The following SULF2 variants were observed in gnomAD, a reference collection of about 807,000 sequenced individuals.
SULF2 encodes the protein extracellular sulfatase Sulf-2.
In SULF2, 52 loss-of-function variants were observed where a neutral mutation model predicts 107.7. The observed-to-expected ratio is 0.48, with a 90% CI of 0.39 to 0.61. SULF2 has a LOEUF of 0.61. Ranked by LOEUF, SULF2 falls within the 20% of genes least tolerant of loss-of-function variation. The pLI, the probability that SULF2 is intolerant of heterozygous loss-of-function variation, is 0.00. For synonymous variants in SULF2, 460 were observed against 464.3 expected (o/e 0.99, Z 0.12); for missense variants, 993 against 1,177.3 (o/e 0.84, Z 2.29).
rs1347814525 is a variant in SULF2, at chr20:47,687,705, ATGTG to A, written c.737+2417_737+2420del. On this transcript the variant is annotated intron_variant, in intron 5 of 20. Coordinates refer to ENST00000688720, the MANE Select transcript of SULF2 (RefSeq NM_001387048.1). ...TAACTGTGTATTTTTGTGTGTCTGC[ATGTG>A]TGTGTTTTTTTTTTTCGAGACAGGG... Among the ~76,000 whole-genome samples, 115 of 147,518 alleles carry A rather than the reference ATGTG, an allele frequency of 7.8e-4. 2 individuals are homozygous for A. In the Middle Eastern group the frequency reaches 0.015, roughly 19 times the overall value.
At chr20:47,677,429 T>C (rs199939113) in intron 8 of SULF2, among the ~76,000 whole-genome samples, 7,280 of 148,678 alleles carry the variant, frequency 0.049, 355 homozygotes, top group African/African-American at 0.13. Flanking sequence ...TGTGTGTGTG[T>C]GCGCGCACAC....
At position 47,715,681 on chromosome 20, in the gene SULF2, C is replaced by T. The variant is rs148386767; in HGVS notation, c.416-13011G>A. Among the ~76,000 whole-genome samples, 27 of 151,830 alleles carry T rather than the reference C, an allele frequency of 1.8e-4. No homozygotes were observed. The East Asian group carries it at 5.2e-3, about 30-fold the overall frequency. On this transcript the variant is annotated intron_variant, in intron 3 of 20. Coordinates refer to ENST00000688720, the MANE Select transcript of SULF2 (RefSeq NM_001387048.1). ...ACTGCAACCTCTGCCTCCCGGGTTCCAGTGATTCTCTTGCCTCAGCCTCCC... is the reference window on the plus strand; with the variant it reads ...ACTGCAACCTCTGCCTCCCGGGTTCTAGTGATTCTCTTGCCTCAGCCTCCC...
intron 1 of SULF2, among the ~76,000 whole-genome samples, chr20:47,769,359 ATT>A (rs71183279): frequency 1.7e-4 from 22 of 128,492 alleles, no homozygotes; most frequent in Admixed American, 2.3e-4. Context: ...TAATTTTTGT[ATT>A]TTTTTTTTTT....
rs529381030 is a variant in SULF2, at chr20:47,736,286, G to A, written c.415+417C>T. Among the ~76,000 whole-genome samples the A allele has an allele frequency of 2.2e-3, 334 of 152,250 alleles. 2 individuals are homozygous for A. The highest frequency in any genetic ancestry group is 7.2e-3 in the African/African-American group (298 of 41,548). Reference sequence around the variant, plus strand: ...AAGCGACCACACAGCCCCATTATCTGTTCCCCTCCATGAATTCCCATCCCC... The same window carrying A: ...AAGCGACCACACAGCCCCATTATCTATTCCCCTCCATGAATTCCCATCCCC... On this transcript the variant is annotated intron_variant, in intron 3 of 20. Transcript: ENST00000688720.
At chr20:47,745,405 A>T (rs1568892444) in intron 2 of SULF2, among the ~76,000 whole-genome samples, 1 of 20,784 alleles carries the variant, frequency 4.8e-5, no homozygotes, top group East Asian at 1.6e-3. Flanking sequence ...AAAAAAAAAA[A>T]AAAAAATATA....
chr20:47,786,475 T>A (rs930957775), upstream of SULF2: 8 of 152,032 alleles, frequency 5.3e-5, no homozygotes, highest in Non-Finnish European at 1.2e-4. Flanking sequence ...GCCACACACA[T>A]TTGCCATTGG....
In SULF2 at chr20:47,758,034, C is replaced by A. The variant is rs575034265; in HGVS notation, c.-100-571G>T. 5.3e-5 allele frequency among the ~76,000 whole-genome samples: 8 copies of A among 152,234 alleles called. No individual in the cohort carries two copies. In the East Asian group the frequency reaches 1.5e-3, roughly 29 times the overall value. On this transcript the variant is annotated intron_variant, in intron 1 of 20. Coordinates refer to ENST00000688720, the MANE Select transcript of SULF2 (RefSeq NM_001387048.1). Reference sequence around the variant, plus strand: ...CTGGCTCAGTTTTCCCGTGAGCAAGCCCGTTTGGAACCTCGGTTTCCCCAT... The same window carrying A: ...CTGGCTCAGTTTTCCCGTGAGCAAGACCGTTTGGAACCTCGGTTTCCCCAT...
chr20:47,749,347 G>A (rs896126178), intron 2 of SULF2, among the ~76,000 whole-genome samples: 1 of 152,222 alleles, frequency 6.6e-6, no homozygotes, highest in Non-Finnish European at 1.5e-5. Flanking sequence ...TCTCCCAAAT[G>A]TTGCTGAATT....
In SULF2 at chr20:47,757,319, C is replaced by G. The variant is rs2090317043; in HGVS notation, c.45G>C (p.Val15=). The change falls in exon 2 of 21, where the codon GTG becomes GTC. Residue 15 remains valine, a synonymous_variant. Coordinates refer to ENST00000688720, the MANE Select transcript of SULF2 (RefSeq NM_001387048.1). ...CCGAGCTTCCACCCAGCAGGGAGAA[C>G]ACAGTTGCGGACAGCAAGCACAGCA... ...SLVLCLLSAT[V]FSLLGGSSAF... 6.2e-7 allele frequency: 1 copy of G among 1,602,770 alleles called. No homozygotes were observed. The highest frequency in any genetic ancestry group is 8.5e-7 in the Non-Finnish European group (1 of 1,174,384).
rs1204826007 is a variant in SULF2, at chr20:47,657,584, A to AAAC, written c.*775_*777dup. 2 of 152,228 alleles carry AAAC rather than the reference A, an allele frequency of 1.3e-5. No homozygotes were observed. The highest frequency in any genetic ancestry group is 2.9e-5 in the Non-Finnish European group (2 of 68,040). 9.4% of individuals were successfully genotyped at this position (152,228 alleles called of 1,614,324 possible). On this transcript the variant is annotated 3_prime_UTR_variant, in exon 21 of 21. Transcript: ENST00000688720. ...ATTTCTTTTCAGTACCTTAAAAAAA[A>AAAC]AACATCAGTTCTGGGACATAACAAA...
At chr20:47,780,098 C>A (rs2090800746) in intron 1 of SULF2, among the ~76,000 whole-genome samples, 7 of 149,710 alleles carry the variant, frequency 4.7e-5, no homozygotes, top group Non-Finnish European at 3.0e-5. Context: ...CTCACAGCAA[C>A]CCCTGCCTCC....
At chr20:47,758,496 TGAAATGACAATA>T (rs1287822374) in intron 1 of SULF2, among the ~76,000 whole-genome samples, 10 of 151,982 alleles carry the variant, frequency 6.6e-5, no homozygotes, top group Non-Finnish European at 1.3e-4. Context: ...GCAGAATAAA[TGAAATGACAATA>T]GAGAAAATTG....
intron 3 of SULF2, among the ~76,000 whole-genome samples, chr20:47,725,094 C>T (rs2089403617): frequency 6.6e-6 from 1 of 152,296 alleles, no homozygotes; most frequent in South Asian, 2.1e-4. Context: ...TGCACCTAGA[C>T]ACAGATTCAC....
intron 1 of SULF2, among the ~76,000 whole-genome samples, chr20:47,760,512 C>T (rs549069080): frequency 2.0e-5 from 3 of 152,242 alleles, no homozygotes; most frequent in Admixed American, 6.5e-5. Context: ...CTGTTGCTAC[C>T]GGTTCCTCGG....
At chr20:47,697,293 C>T (rs536760758) in intron 4 of SULF2, among the ~76,000 whole-genome samples, 1 of 152,340 alleles carries the variant, frequency 6.6e-6, no homozygotes, top group East Asian at 1.9e-4. Flanking sequence ...ATCTGGACCC[C>T]TTTGGTGGCA....
At chr20:47,727,650 C>G (rs775557106) in intron 3 of SULF2, among the ~76,000 whole-genome samples, 1 of 152,156 alleles carries the variant, frequency 6.6e-6, no homozygotes, top group Non-Finnish European at 1.5e-5. Flanking sequence ...CCTCTTACGG[C>G]GCAGGGAACC....
At chr20:47,758,606 C>T (rs1033943334) in intron 1 of SULF2, among the ~76,000 whole-genome samples, 6 of 152,132 alleles carry the variant, frequency 3.9e-5, no homozygotes, top group African/African-American at 9.7e-5. Context: ...AGGTCACCAG[C>T]GAAGGTGGGT....
intron 3 of SULF2, among the ~76,000 whole-genome samples, chr20:47,735,738 G>C (rs545795198): frequency 3.9e-5 from 6 of 152,316 alleles, no homozygotes; most frequent in African/African-American, 1.4e-4. Flanking sequence ...GCTGTAAGAA[G>C]ACACACCTTA....
intron 2 of SULF2, among the ~76,000 whole-genome samples, chr20:47,742,306 A>G (rs1655061905): frequency 1.3e-5 from 2 of 152,238 alleles, no homozygotes; most frequent in South Asian, 2.1e-4. Flanking sequence ...TGAAAAGGCC[A>G]GTTTTCAAGC....
Sources: allele counts gnomAD v4.1 joint callset (sites outside exome capture counted in the v4.1 genomes callset), GRCh38; gene constraint gnomAD v4.1.1; transcripts MANE v1.5; gene names NCBI Gene and HGNC (gene_info 2026-07-23, HGNC 2026-07-21).